EXOC6: variants seen among roughly 807,000 people sequenced by gnomAD.
The protein encoded by EXOC6 is SEC15-like 1.
Under a neutral mutation model 112.5 loss-of-function variants are expected in EXOC6, and 60 were observed. The observed-to-expected ratio is 0.53, with a 90% CI of 0.43 to 0.66. EXOC6 has a LOEUF of 0.66. Ranked by LOEUF, EXOC6 falls within the 30% of genes least tolerant of loss-of-function variation. The pLI, the probability that EXOC6 is intolerant of heterozygous loss-of-function variation, is 0.00. For missense variants in EXOC6, 855 were observed against 957.1 expected (o/e 0.89, Z 1.41); for synonymous variants, 295 against 308.0 (o/e 0.96, Z 0.44).
intron 14 of EXOC6, among the ~76,000 whole-genome samples, chr10:92,949,753 C>T (rs1330572192): frequency 6.6e-6 from 1 of 152,054 alleles, no homozygotes. Flanking sequence ...CCACCATGCC[C>T]AGCTAATTTT....
chr10:92,867,964 C>T (rs967859649), intron 1 of EXOC6, among the ~76,000 whole-genome samples: 1 of 152,128 alleles, frequency 6.6e-6, no homozygotes, highest in East Asian at 1.9e-4. Flanking sequence ...ATAGGACATT[C>T]AGTAATCTTT....
At chr10:92,953,501 A>G (rs2134013422) in intron 15 of EXOC6, among the ~76,000 whole-genome samples, 1 of 152,332 alleles carries the variant, frequency 6.6e-6, no homozygotes, top group South Asian at 2.1e-4. Context: ...CCTCCTCCCC[A>G]CAAATTTGGC....
intron 8 of EXOC6, among the ~76,000 whole-genome samples, chr10:92,925,115 A>G (rs1851642951): frequency 6.6e-6 from 1 of 152,174 alleles, no homozygotes; most frequent in African/African-American, 2.4e-5. Context: ...ATTGTTTATT[A>G]TGCTCCTTAC....
chr10:93,057,717 GTTA>G (rs2134398716), intron 21 of EXOC6, among the ~76,000 whole-genome samples: 1 of 152,130 alleles, frequency 6.6e-6, no homozygotes, highest in South Asian at 2.1e-4. Context: ...AATTAAAATT[GTTA>G]TTATTTTCCT....
chr10:92,997,418 G>T, intron 18 of EXOC6, 56 bp from the exon 19 acceptor site: 1 of 1,498,448 alleles, frequency 6.7e-7, no homozygotes, highest in Non-Finnish European at 9.0e-7. Context: ...GATTCTTTAT[G>T]ATGTATTTCT....
At chr10:92,838,060 C>T (rs1846719954) in intron 1 of EXOC6, among the ~76,000 whole-genome samples, 1 of 152,138 alleles carries the variant, frequency 6.6e-6, no homozygotes, top group African/African-American at 2.4e-5. Context: ...GGAGTTTGCT[C>T]CCCTAAAAAG....
chr10:92,895,110 CA>C, intron 4 of EXOC6, 90 bp downstream of exon 4: 1 of 789,284 alleles, frequency 1.3e-6, no homozygotes, highest in South Asian at 1.5e-5. Flanking sequence ...ATGGGAATTA[CA>C]GATTATTTGG....
At chr10:92,849,982 C>T (rs1310947280) in intron 1 of EXOC6, among the ~76,000 whole-genome samples, 1 of 152,090 alleles carries the variant, frequency 6.6e-6, no homozygotes, top group Non-Finnish European at 1.5e-5. Context: ...TATGATAATG[C>T]ATAATTAGTG....
intron 1 of EXOC6, among the ~76,000 whole-genome samples, chr10:92,869,214 G>A (rs549410391): frequency 6.6e-6 from 1 of 151,820 alleles, no homozygotes; most frequent in Non-Finnish European, 1.5e-5. Context: ...TGTTGCCTAG[G>A]CTGGTGTCAA....
At chr10:92,828,427 G>A (rs987748278) in intron 1 of EXOC6, among the ~76,000 whole-genome samples, 6 of 152,062 alleles carry the variant, frequency 3.9e-5, no homozygotes, top group Non-Finnish European at 7.4e-5. Flanking sequence ...TCGGCCTCCC[G>A]GGCTCAAGTG....
rs1249216143 is a variant in EXOC6 at position 93,014,203 on chromosome 10, G to C, written c.2105G>C (p.Ser702Thr). The C allele has an allele frequency of 1.2e-6, 2 of 1,612,260 alleles. No individual in the cohort carries two copies. Among genetic ancestry groups the C allele is most frequent in the Non-Finnish European group, 8.5e-7 (1 of 1,179,120 alleles). ...TTCTTTCTTTTAATAGTGTTTGCCAGCTCTGAGCCTGTGCCAGGATTCCAG... is the reference window on the plus strand; with the variant it reads ...TTCTTTCTTTTAATAGTGTTTGCCACCTCTGAGCCTGTGCCAGGATTCCAG... ...LDVIQCELFASSEPVPGFQGD... is the reference protein window; with the variant it reads ...LDVIQCELFATSEPVPGFQGD... The change falls in exon 20 of 22, where the codon AGC becomes ACC. Residue 702 changes from serine to threonine, a missense_variant. Ser to Thr is a moderately conservative substitution (Grantham distance 58, BLOSUM62 1). Coordinates refer to ENST00000260762, the MANE Select transcript of EXOC6 (RefSeq NM_019053.6).
At chr10:93,005,168 T>A (rs1843919424) in intron 19 of EXOC6, among the ~76,000 whole-genome samples, 1 of 152,214 alleles carries the variant, frequency 6.6e-6, no homozygotes, top group Non-Finnish European at 1.5e-5. Context: ...GTATATGGTA[T>A]GAGAATACTA....
chr10:93,037,144 C>CTT (rs745466359), intron 20 of EXOC6, among the ~76,000 whole-genome samples: 18 of 139,362 alleles, frequency 1.3e-4, no homozygotes, highest in African/African-American at 2.4e-4. Flanking sequence ...TCTTCTTCTA[C>CTT]TTTTTTTTTT....
intron 1 of EXOC6, among the ~76,000 whole-genome samples, chr10:92,849,476 C>T (rs1430980292): frequency 6.6e-6 from 1 of 152,110 alleles, no homozygotes; most frequent in Admixed American, 6.5e-5. Context: ...ACGTAATGAG[C>T]CATGGGTTAG....
intron 13 of EXOC6, among the ~76,000 whole-genome samples, chr10:92,943,068 C>T (rs1852760319): frequency 6.7e-6 from 1 of 150,372 alleles, no homozygotes; most frequent in Non-Finnish European, 1.5e-5. Flanking sequence ...GTCACCTGTG[C>T]TGGAGTGCAG....
chr10:92,909,377 A>C, intron 5 of EXOC6, 50 bp from the exon 6 acceptor site: 2 of 1,324,198 alleles, frequency 1.5e-6, no homozygotes, highest in Non-Finnish European at 2.1e-6. Flanking sequence ...ACTTGTAAAA[A>C]TATTGTGATA....
chr10:93,032,806 G>C (rs1845330897), intron 20 of EXOC6, among the ~76,000 whole-genome samples: 1 of 152,174 alleles, frequency 6.6e-6, no homozygotes, highest in Non-Finnish European at 1.5e-5. Flanking sequence ...AAATAAAACA[G>C]GTTAATGTGA....
At chr10:92,850,404 A>G (rs1053540115) in intron 1 of EXOC6, among the ~76,000 whole-genome samples, 2 of 152,174 alleles carry the variant, frequency 1.3e-5, no homozygotes, top group Admixed American at 6.5e-5. Context: ...TATCCCATAT[A>G]TATGTATATT....
intron 1 of EXOC6, among the ~76,000 whole-genome samples, chr10:92,860,396 C>G (rs1363086766): frequency 6.6e-6 from 1 of 151,646 alleles, no homozygotes; most frequent in African/African-American, 2.4e-5. Context: ...CCTCAGCCTC[C>G]TGAGTAGCTG....
Sources: gnomAD v4.1 joint callset for allele counts (sites outside exome capture counted in the v4.1 genomes callset) on GRCh38, gnomAD v4.1.1 for gene constraint, MANE v1.5 for transcripts, NCBI Gene and HGNC (gene_info 2026-07-23, HGNC 2026-07-21) for gene names.